The following SLC35F5 variants were observed in gnomAD, a reference collection of about 807,000 sequenced individuals.
The protein encoded by SLC35F5 is HCV NS5A-transactivated protein 3.
Under a neutral mutation model 68.6 loss-of-function variants are expected in SLC35F5, and 54 were observed. The observed-to-expected ratio is 0.79, with a 90% CI of 0.63 to 0.99. The LOEUF is 0.99. SLC35F5 is among the 50% of genes least tolerant of loss of function. The pLI is 0.00. For missense variants in SLC35F5, 567 were observed against 626.9 expected, an observed-to-expected ratio of 0.90 and a Z score of 1.02; for synonymous variants, 211 against 205.2, an observed-to-expected ratio of 1.03 and a Z score of -0.24.
At chr2:113,719,443 T>C (rs1559319939) in intron 13 of SLC35F5, 135 bp from the exon 14 acceptor site, 2 of 629,472 alleles carry the variant, frequency 3.2e-6, no homozygotes, top group Non-Finnish European at 5.1e-6. Context: ...ACACTGACAA[T>C]GTATTAAGTG....
intron 7 of SLC35F5, among the ~76,000 whole-genome samples, chr2:113,736,875 G>A (rs1466115597): frequency 6.6e-6 from 1 of 152,128 alleles, no homozygotes; most frequent in South Asian, 2.1e-4. Flanking sequence ...AAGGTTGGCA[G>A]GATGTGTGTG....
rs1016334619 is a variant in SLC35F5, at chr2:113,710,962, G to A, written c.*4256C>T. On this transcript the variant is annotated 3_prime_UTR_variant, in exon 16 of 16. Coordinates refer to ENST00000245680, the MANE Select transcript of SLC35F5 (RefSeq NM_025181.5). ...AAATACTGAATGCCTAGCATACAAC[G>A]ATCTAAGTGAAAGTTAATAAAAGTA... Among the ~76,000 whole-genome samples, 3 of 152,066 alleles carry A rather than the reference G, an allele frequency of 2.0e-5. No homozygotes were observed. The highest frequency in any genetic ancestry group is 6.6e-5 in the Admixed American group (1 of 15,266).
At chr2:113,749,420 A>G (rs999082691) in intron 4 of SLC35F5, among the ~76,000 whole-genome samples, 2 of 152,228 alleles carry the variant, frequency 1.3e-5, no homozygotes, top group African/African-American at 4.8e-5. Flanking sequence ...AGACTGCTTG[A>G]GCCCAGGATT....
In SLC35F5 at chr2:113,742,769, G is replaced by A. The variant is rs774904158; in HGVS notation, c.673C>T (p.Gln225Ter). ...CCCACAGTTTTCAGTATGGATTCTT[G>A]TTCTTTCACAGGATATGACATGCGA... Reference protein sequence around the residue: ...LSRMSYPVKEQESILKTVGKL... With the variant: ...LSRMSYPVKE The change falls in exon 7 of 16, where the codon CAA becomes TAA. Residue 225 changes from glutamine (Q) to a stop codon, truncating the protein, a stop_gained. Coordinates refer to ENST00000245680, the MANE Select transcript of SLC35F5 (RefSeq NM_025181.5). LOFTEE classifies it high-confidence loss of function. 1.2e-6 allele frequency: 2 copies of A among 1,613,932 alleles called. No individual in the cohort carries two copies. The highest frequency in any genetic ancestry group is 1.1e-5 in the South Asian group (1 of 91,084).
intron 9 of SLC35F5, chr2:113,733,237 A>AT (rs1687964039): frequency 5.3e-6 from 1 of 188,818 alleles, no homozygotes; most frequent in South Asian, 1.0e-4. Flanking sequence ...TTGTAAATAG[A>AT]TGAGAGTGGC....
At chr2:113,704,767 T>C (rs1421860397), downstream of SLC35F5, among the ~76,000 whole-genome samples, 3 of 151,456 alleles carry the variant, frequency 2.0e-5, 1 homozygote, top group South Asian at 4.2e-4. Context: ...GCGCAGCCCC[T>C]GTTCCCGCCC....
intron 7 of SLC35F5, 41 bp from the exon 8 acceptor site, chr2:113,735,899 A>G: frequency 8.3e-7 from 1 of 1,207,984 alleles, no homozygotes; most frequent in Non-Finnish European, 1.2e-6. Flanking sequence ...AATGAAAGAC[A>G]TGTTTACATC....
In SLC35F5 at chr2:113,707,702, G is replaced by C. The variant is rs1191449496; in HGVS notation, c.*7516C>G. 6.6e-6 allele frequency among the ~76,000 whole-genome samples: 1 copy of C among 152,108 alleles called. No homozygotes were observed. The highest frequency in any genetic ancestry group is 1.5e-5 in the Non-Finnish European group (1 of 68,026). On this transcript the variant is annotated 3_prime_UTR_variant, in exon 16 of 16. Transcript: ENST00000245680. ...AGCCTCACAAGTAGCTGGGACTACA[G>C]GCGTGCACCACCATGCCTGGCTAAT...
intron 7 of SLC35F5, among the ~76,000 whole-genome samples, chr2:113,740,650 A>G (rs1264866229): frequency 1.3e-5 from 2 of 151,968 alleles, no homozygotes; most frequent in African/African-American, 4.8e-5. Flanking sequence ...TTTTTGAGAC[A>G]GACCCTCGCT....
chr2:113,754,901 T>A (rs11897553), intron 3 of SLC35F5, among the ~76,000 whole-genome samples: 75,037 of 151,964 alleles, frequency 0.49, 19,164 homozygotes, highest in Middle Eastern at 0.66. Context: ...AGCCACGAGT[T>A]ACACTTTCAA....
At chr2:113,723,734 C>G (rs950326483) in intron 12 of SLC35F5, among the ~76,000 whole-genome samples, 6 of 152,066 alleles carry the variant, frequency 3.9e-5, no homozygotes, top group Admixed American at 2.6e-4. Context: ...AAAATATTTT[C>G]TTGTTGTTTT....
chr2:113,753,158 G>GTTTTTTTTTTTT (rs1264386762), intron 3 of SLC35F5, among the ~76,000 whole-genome samples: 1 of 69,198 alleles, frequency 1.4e-5, no homozygotes, highest in Non-Finnish European at 3.2e-5. Flanking sequence ...TATCTCCAAA[G>GTTTTTTTTTTTT]TTTGTTTTTC....
intron 9 of SLC35F5, among the ~76,000 whole-genome samples, chr2:113,732,163 A>G (rs1039653223): frequency 5.9e-5 from 9 of 152,128 alleles, no homozygotes; most frequent in Non-Finnish European, 1.3e-4. Flanking sequence ...TTAACAGTAA[A>G]ACTATCCTTA....
chr2:113,745,391 G>A (rs1676446820), intron 5 of SLC35F5, among the ~76,000 whole-genome samples: 1 of 152,116 alleles, frequency 6.6e-6, no homozygotes, highest in Non-Finnish European at 1.5e-5. Flanking sequence ...TTCACAAATT[G>A]CTATTAAATT....
chr2:113,753,168 C>CTTTTTTTTTTTTTTTTTT lies in SLC35F5; in HGVS notation c.273+1979_273+1996dup. Among the ~76,000 whole-genome samples, 432 of 49,076 alleles carry CTTTTTTTTTTTTTTTTTT rather than the reference C, an allele frequency of 8.8e-3. 146 individuals are homozygous for CTTTTTTTTTTTTTTTTTT. Among genetic ancestry groups the CTTTTTTTTTTTTTTTTTT allele is most frequent in the Non-Finnish European group, 0.011 (312 of 28,292 alleles). The allele number at this position is 49,076 out of a possible 152,430, so 32.2% of individuals were successfully genotyped here. On this transcript the variant is annotated intron_variant, in intron 3 of 15. Transcript: ENST00000245680. ...CACTTTATCTCCAAAGTTTGTTTTT[C>CTTTTTTTTTTTTTTTTTT]TTTTTTTTTTTTTTTTTTTTTTTTT...
rs1559306949 is a variant in SLC35F5, at chr2:113,712,323, C to CA, written c.*2894_*2895insT. ...AAAGCATTCATTTCAAAAGTATTCA[C>CA]TTTTTTTTTTTTTGAGACGGAGTCT... On this transcript the variant is annotated 3_prime_UTR_variant, in exon 16 of 16. Coordinates refer to ENST00000245680, the MANE Select transcript of SLC35F5 (RefSeq NM_025181.5). Among the ~76,000 whole-genome samples the CA allele has an allele frequency of 6.7e-6, 1 of 148,240 alleles. No individual in the cohort carries two copies.
At chr2:113,742,493 T>A (rs887011914) in intron 7 of SLC35F5, 199 bp downstream of exon 7, 1 of 595,744 alleles carries the variant, frequency 1.7e-6, no homozygotes, top group Non-Finnish European at 3.0e-6. Flanking sequence ...TAGGACTTAA[T>A]GAATTCTAAC....
At chr2:113,750,893 C>T (rs1033546589) in intron 3 of SLC35F5, among the ~76,000 whole-genome samples, 2 of 152,194 alleles carry the variant, frequency 1.3e-5, no homozygotes, top group African/African-American at 4.8e-5. Flanking sequence ...GCCAATAATC[C>T]CAGCACGTGG....
Position 113,735,853 on chromosome 2 carries a change from A to G in SLC35F5, c.756T>C (p.Phe252=), listed in dbSNP as rs1262006258. ...CTTCTTGATATGACAAATTTGCCAA[A>G]AACCACTAAAGAAAAAGAAAACCAA... ...KISFFFCFVW[F]LANLSYQEAL... is the part of the protein sequence containing the mutation. Residue 252 remains phenylalanine, a synonymous_variant, in exon 8 of 16, where the codon TTT becomes TTC. Coordinates refer to ENST00000245680, the MANE Select transcript of SLC35F5 (RefSeq NM_025181.5). 1.2e-6 allele frequency: 2 copies of G among 1,607,770 alleles called. No homozygotes were observed. Among genetic ancestry groups the G allele is most frequent in the East Asian group, 2.2e-5 (1 of 44,708 alleles).
Sources: gnomAD v4.1 joint callset for allele counts (sites outside exome capture counted in the v4.1 genomes callset) on GRCh38, gnomAD v4.1.1 for gene constraint, MANE v1.5 for transcripts, NCBI Gene and HGNC (gene_info 2026-07-23, HGNC 2026-07-21) for gene names.